Variants in ZNF142 observed in about 807,000 individuals in gnomAD.
The protein encoded by ZNF142 is zinc finger protein 142 (clone pHZ-49).
ZNF142 carries 96 observed loss-of-function variants against 132.1 expected under a neutral mutation model. The observed-to-expected ratio is 0.73, with a 90% CI of 0.62 to 0.86. The LOEUF is 0.86. ZNF142 is among the 40% of genes least tolerant of loss of function. The probability of loss-of-function intolerance (pLI) is 0.00; values close to 1 mark genes in which losing one functional copy is unlikely to be tolerated. For synonymous variants in ZNF142, 842 were observed against 890.1 expected (o/e 0.95, Z 0.96); for missense variants, 2,163 against 2,336.2 (o/e 0.93, Z 1.53).
At chr2:218,655,682 C>T (rs3931102) in intron 4 of ZNF142, among the ~76,000 whole-genome samples, 74,484 of 151,930 alleles carry the variant, frequency 0.49, 20,491 homozygotes, top group East Asian at 0.82. Context: ...CAACATGCCT[C>T]GGATGAGTAA....
chr2:218,640,768 T>A lies in ZNF142; in HGVS notation c.5090A>T (p.Tyr1697Phe). ...YACADPSRLK[Y>F]HMRIHKEERK... is the part of the protein sequence containing the mutation. ...TTCCTCCTTGTGGATCCGCATGTGG[T>A]ACTGGAAGAGGCAAGAGCAAAAAGC... The change falls in exon 10 of 11, where the codon TAC becomes TTC. Residue 1697 changes from tyrosine to phenylalanine, a missense_variant and splice_region_variant. Physicochemically the swap from Tyr to Phe is conservative, Grantham distance 22. This residue lies in a region of ZNF142 where 325 missense variants were observed against 367.8 expected (regional missense o/e 0.88). Transcript: ENST00000411696. The A allele has an allele frequency of 6.2e-7, 1 of 1,614,034 alleles. No homozygotes were observed. The highest frequency in any genetic ancestry group is 1.1e-5 in the South Asian group (1 of 91,064).
intron 3 of ZNF142, among the ~76,000 whole-genome samples, chr2:218,658,366 CCT>C (rs1938812400): frequency 6.6e-6 from 1 of 152,046 alleles, no homozygotes; most frequent in Admixed American, 6.6e-5. Context: ...ATTGTGAAAC[CCT>C]GTTTCTACTA....
intron 4 of ZNF142, among the ~76,000 whole-genome samples, chr2:218,653,801 C>T (rs749519942): frequency 3.9e-5 from 6 of 151,952 alleles, no homozygotes; most frequent in Non-Finnish European, 5.9e-5. Context: ...CAAATCAAAA[C>T]GAAATTCTGC....
In ZNF142 at chr2:218,636,537, A is replaced by C; in HGVS notation, c.*1802T>G. On this transcript the variant is annotated 3_prime_UTR_variant, in exon 11 of 11. Coordinates refer to ENST00000411696, the MANE Select transcript of ZNF142 (RefSeq NM_001379659.1). ...CTCCGCCCAGCTTCCATCTTTGTGT[A>C]TATCTGCATCCAGGAAGGCCTGGAG... The C allele has an allele frequency of 6.2e-7, 1 of 1,613,970 alleles. No individual in the cohort carries two copies. Among genetic ancestry groups the C allele is most frequent in the Non-Finnish European group, 8.5e-7 (1 of 1,179,872 alleles).
In ZNF142 at chr2:218,643,022, C is replaced by T. The variant is rs201712794; in HGVS notation, c.4094G>A (p.Arg1365His). 3.0e-4 allele frequency: 475 copies of T among 1,601,842 alleles called. No homozygotes were observed. Among genetic ancestry groups the T allele is most frequent in the Non-Finnish European group, 3.5e-4 (411 of 1,173,586 alleles). ...ACACTGTAGATGGGGCCGGGGCCCA[C>T]GGGCTGGGGCTGCAGTGGGGTGCCT... ...KRRHPTAAPARGPRPHLQCGD... is the reference protein window; with the variant it reads ...KRRHPTAAPAHGPRPHLQCGD... Residue 1365 changes from arginine to histidine, a missense_variant, in exon 9 of 11, where the codon CGT becomes CAT. By Grantham distance (29) the Arg-to-His change is conservative (BLOSUM62 0). Transcript: ENST00000411696.
chr2:218,638,410 G>A lies in ZNF142; in HGVS notation c.5593C>T (p.Leu1865=), dbSNP rs555746746. 61 of 1,550,218 alleles carry A rather than the reference G, an allele frequency of 3.9e-5. 1 individual carries two copies. In the South Asian group the frequency reaches 7.2e-4, roughly 18 times the overall value. The change falls in exon 11 of 11, where the codon CTG becomes TTG. Residue 1865 remains leucine (L), a synonymous_variant. Transcript: ENST00000411696. ...GKDPTTPTVH[L]HDVQLEDPSP... Reference sequence around the variant, plus strand: ...GGATCCTCCAGCTGCACATCATGCAGGTGCACTGTGGGGGTGGTGGGGTCT... The same window carrying A: ...GGATCCTCCAGCTGCACATCATGCAAGTGCACTGTGGGGGTGGTGGGGTCT...
chr2:218,636,050 G>C lies in ZNF142; in HGVS notation c.*2289C>G. 6.7e-7 allele frequency: 1 copy of C among 1,500,808 alleles called. No individual in the cohort carries two copies. The highest frequency in any genetic ancestry group is 9.1e-7 in the Non-Finnish European group (1 of 1,100,940). 93.0% of individuals were successfully genotyped at this position (1,500,808 alleles called of 1,614,324 possible). On this transcript the variant is annotated 3_prime_UTR_variant, in exon 11 of 11. Transcript: ENST00000411696. ...ATGTCCCCACATGGGAGGCAGTGTG[G>C]AACAGTACAAAGAATCCTGGCTCTT...
rs1490282899 is a variant in ZNF142 at position 218,644,500 on chromosome 2, C to G, written c.2616G>C (p.Glu872Asp). The G allele has an allele frequency of 2.5e-6, 4 of 1,614,016 alleles. No individual in the cohort carries two copies. The African/African-American group carries it at 4.0e-5, about 16-fold the overall frequency. The change falls in exon 9 of 11, where the codon GAG (glutamate) becomes GAC (aspartate). Residue 872 changes from glutamate (E) to aspartate (D), a missense_variant. By Grantham distance (45) the Glu-to-Asp change is conservative (BLOSUM62 2). This residue lies in a region of ZNF142 where 749 missense variants were observed against 830.3 expected (regional missense o/e 0.90). Coordinates refer to ENST00000411696, the MANE Select transcript of ZNF142 (RefSeq NM_001379659.1). The surrounding 1 kb of genome is among the most constrained non-coding windows in gnomAD (Gnocchi z 4.6). The stretch of plus-strand genomic sequence containing the variant: ...CACCCAGGTCACCCCCATGGGGAGC[C>G]TCACTGCCCTCCTGTCTTCCAGTGT... ...EVNTGRQEGS[E>D]APHGGDLGGS...
At chr2:218,653,572 T>A (rs6758804) in intron 4 of ZNF142, among the ~76,000 whole-genome samples, 3,020 of 91,278 alleles carry the variant, frequency 0.033, 105 homozygotes, top group African/African-American at 0.12. Flanking sequence ...TGAAACTCTA[T>A]CTCAAAAAAA....
At chr2:218,639,906 C>T (rs1339781494) in intron 10 of ZNF142, among the ~76,000 whole-genome samples, 1 of 145,938 alleles carries the variant, frequency 6.9e-6, no homozygotes, top group Non-Finnish European at 1.5e-5. Flanking sequence ...AATACAAAAA[C>T]TTAGCCGGGC....
At position 218,634,125 on chromosome 2, in the gene ZNF142, A is replaced by G. The variant is rs370671617; in HGVS notation, c.*4214T>C. 5 of 1,611,766 alleles carry G rather than the reference A, an allele frequency of 3.1e-6. No individual in the cohort carries two copies. The highest frequency in any genetic ancestry group is 3.4e-6 in the Non-Finnish European group (4 of 1,178,954). On this transcript the variant is annotated 3_prime_UTR_variant, in exon 11 of 11. Coordinates refer to ENST00000411696, the MANE Select transcript of ZNF142 (RefSeq NM_001379659.1). The surrounding 1 kb of genome is among the most constrained non-coding windows in gnomAD (Gnocchi z 4.0). The stretch of plus-strand genomic sequence containing the variant: ...TACAGGCAATGAGTTTGTGCAGCAC[A>G]ATACTTGGCAGTTAAGCCGTGTGTA...
rs2230115 is a variant in ZNF142, at chr2:218,644,895, C to A, written c.2221G>T (p.Ala741Ser). ...MASQHHPGTP[A>S]PLYPCHYCSY... ...CAGTAGTGGCAAGGGTAGAGTGGGG[C>A]CGGTGTGCCAGGGTGGTGCTGGGAA... is the stretch of plus-strand genomic sequence containing the variant. Residue 741 changes from alanine to serine, a missense_variant, in exon 9 of 11, where the codon GCC becomes TCC. Coordinates refer to ENST00000411696, the MANE Select transcript of ZNF142 (RefSeq NM_001379659.1). This position sits in a 1 kb window ranked among gnomAD's most constrained non-coding sequence, Gnocchi z 4.6. The A allele has an allele frequency of 0.57, 913,371 of 1,613,806 alleles. 268,041 individuals carry two copies. The highest frequency in any genetic ancestry group is 0.82 in the East Asian group (36,949 of 44,846).
intron 4 of ZNF142, among the ~76,000 whole-genome samples, chr2:218,655,834 G>C (rs76992064): frequency 3.3e-3 from 508 of 152,294 alleles, no homozygotes; most frequent in African/African-American, 0.011. Context: ...ATGGAGGAAA[G>C]AATCTCCAAG....
chr2:218,654,022 A>G (rs565759528), intron 4 of ZNF142, among the ~76,000 whole-genome samples: 2 of 151,930 alleles, frequency 1.3e-5, no homozygotes, highest in East Asian at 3.9e-4. Context: ...CTAATTTTAA[A>G]TTTTTTTGTA....
rs771228246 is a variant in ZNF142 at position 218,643,796 on chromosome 2, G to A, written c.3320C>T (p.Pro1107Leu). The A allele has an allele frequency of 2.6e-5, 42 of 1,611,658 alleles. No individual in the cohort carries two copies. Among genetic ancestry groups the A allele is most frequent in the Non-Finnish European group, 3.3e-5 (39 of 1,178,592 alleles). ...KGLPRPDSPI[P>L]LQPVLPGTQA... ...GGTACCTGGGAGCACAGGTTGCAGA[G>A]GGATGGGTGAATCTGGTCTGGGCAA... Residue 1107 changes from proline (P) to leucine (L), a missense_variant, in exon 9 of 11, where the codon CCT (proline) becomes CTT (leucine). Physicochemically the swap from Pro to Leu is moderately conservative, Grantham distance 98. Transcript: ENST00000411696.
Position 218,659,404 on chromosome 2 carries a change from T to G in ZNF142, c.-397A>C, listed in dbSNP as rs1021029658. 6.6e-5 allele frequency: 10 copies of G among 152,168 alleles called. No homozygotes were observed. The highest frequency in any genetic ancestry group is 2.4e-4 in the African/African-American group (10 of 41,416). 9.4% of individuals were successfully genotyped at this position (152,168 alleles called of 1,614,324 possible). On this transcript the variant is annotated 5_prime_UTR_variant, in exon 1 of 11. Transcript: ENST00000411696. This position sits in a 1 kb window ranked among gnomAD's most constrained non-coding sequence, Gnocchi z 4.4. ...AGAGCCGGCGGGAGCCGCATCTCTA[T>G]GGTCGGCCGCGGCTGGAACGGCCCC...
rs1448022087 is a variant in ZNF142, at chr2:218,648,967, C to T, written c.1541G>A (p.Arg514Gln). 1.9e-6 allele frequency: 3 copies of T among 1,612,348 alleles called. No homozygotes were observed. Among genetic ancestry groups the T allele is most frequent in the South Asian group, 1.1e-5 (1 of 91,086 alleles). ...TGAGTGATGGCGGCACTCCACAGCC[C>T]GCACCCCATGGGTCTCCTTCAGGTG... is the stretch of plus-strand genomic sequence containing the variant. Reference protein sequence around the residue: ...IKHLKETHGVRAVECRHHSCP... With the variant: ...IKHLKETHGVQAVECRHHSCP... Residue 514 changes from arginine to glutamine, a missense_variant, in exon 7 of 11, where the codon CGG becomes CAG. Arg to Gln is a conservative substitution (Grantham distance 43, BLOSUM62 1). Around this residue, in one of 7 missense-constraint regions of ZNF142, gnomAD observed 749 missense variants for 830.3 expected, o/e 0.90. Transcript: ENST00000411696.
In ZNF142 at chr2:218,636,761, T is replaced by C; in HGVS notation, c.*1578A>G. On this transcript the variant is annotated 3_prime_UTR_variant, in exon 11 of 11. Transcript: ENST00000411696. Reference sequence around the variant, plus strand: ...GACCTGATTTTCCACCTTTTTTCTCTTTTCTTCCCTTCCTTTGTTTTCATA... The same window carrying C: ...GACCTGATTTTCCACCTTTTTTCTCCTTTCTTCCCTTCCTTTGTTTTCATA... 1.5e-6 allele frequency: 1 copy of C among 683,794 alleles called. No individual in the cohort carries two copies. The highest frequency in any genetic ancestry group is 1.7e-5 in the South Asian group (1 of 60,172). The allele number at this position is 683,794 out of a possible 1,614,324, so 42.4% of individuals were successfully genotyped here.
At chr2:218,656,710 G>A (rs1353021177) in intron 3 of ZNF142, among the ~76,000 whole-genome samples, 1 of 152,118 alleles carries the variant, frequency 6.6e-6, no homozygotes, top group African/African-American at 2.4e-5. Flanking sequence ...AATGACTGCA[G>A]GTTGTCTTCT....
Sources: gnomAD v4.1 joint callset for allele counts (sites outside exome capture counted in the v4.1 genomes callset) on GRCh38, gnomAD v4.1.1 for gene constraint, gnomAD v4.1.1 regional missense constraint, Gnocchi (gnomAD v3.1) non-coding constraint, MANE v1.5 for transcripts, NCBI Gene and HGNC (gene_info 2026-07-23, HGNC 2026-07-21) for gene names.